COL18A1: variants seen among roughly 807,000 people sequenced by gnomAD.
COL18A1 encodes collagen type XVIII alpha 1 chain, also known as collagen alpha-1(XVIII) chain.
Under a neutral mutation model 168.0 loss-of-function variants are expected in COL18A1, and 133 were observed. The observed-to-expected ratio is 0.79, with a 90% CI of 0.69 to 0.91. COL18A1 has a LOEUF of 0.91. Among genes scored for constraint, COL18A1 ranks in the 40% least tolerant of loss-of-function variants. COL18A1 has a pLI of 0.00. For missense variants in COL18A1, 2,126 were observed against 1,925.4 expected (o/e 1.10, Z -1.95); for synonymous variants, 949 against 809.0 (o/e 1.17, Z -2.94).
chr21:45,496,233 T>C, intron 29 of COL18A1: 1 of 667,474 alleles, frequency 1.5e-6, no homozygotes, highest in Non-Finnish European at 2.8e-6. Flanking sequence ...CAGTCACCTT[T>C]TTACCTGAGA....
chr21:45,469,207 C>A (rs528200892), intron 3 of COL18A1, among the ~76,000 whole-genome samples: 1 of 152,352 alleles, frequency 6.6e-6, no homozygotes, highest in East Asian at 1.9e-4. Flanking sequence ...AAGTGGGGCT[C>A]CCGGCCTCTG....
rs1305138779 is a variant in COL18A1, at chr21:45,443,744, CTT to C, written c.107-24496_107-24495del. On this transcript the variant is annotated intron_variant, in intron 2 of 41. Coordinates refer to ENST00000651438, the MANE Select transcript of COL18A1 (RefSeq NM_001379500.1). This position sits in a 1 kb window ranked among gnomAD's most constrained non-coding sequence, Gnocchi z 5.2. ...AAGTGCCAATTTCCTGGTGAAGAGTCTTTATGAGAGCAATGCGGCCCCGTGCC... is the reference window on the plus strand; with the variant it reads ...AAGTGCCAATTTCCTGGTGAAGAGTCTATGAGAGCAATGCGGCCCCGTGCC... 6.6e-6 allele frequency among the ~76,000 whole-genome samples: 1 copy of C among 152,214 alleles called. No individual in the cohort carries two copies. The highest frequency in any genetic ancestry group is 1.5e-5 in the Non-Finnish European group (1 of 68,042).
At chr21:45,482,563 C>T (rs568223047) in intron 14 of COL18A1, among the ~76,000 whole-genome samples, 2 of 152,334 alleles carry the variant, frequency 1.3e-5, no homozygotes, top group African/African-American at 4.8e-5. Flanking sequence ...CACGTGTAGC[C>T]AGGTCCAGCA....
Position 45,511,209 on chromosome 21 carries a change from C to T in COL18A1, c.3792C>T (p.Val1264=). 1.3e-6 allele frequency: 2 copies of T among 1,581,756 alleles called. No individual in the cohort carries two copies. The highest frequency in any genetic ancestry group is 1.7e-4 in the Middle Eastern group (1 of 6,004). The change falls in exon 41 of 42, where the codon GTC becomes GTT. Residue 1264 remains valine (V), a synonymous_variant. Coordinates refer to ENST00000651438, the MANE Select transcript of COL18A1 (RefSeq NM_001379500.1). ...TCTTCTCCTTTGACGGCAAGGACGTCCTGAGGCACCCCACCTGGTAGGTTC... is the reference window on the plus strand; with the variant it reads ...TCTTCTCCTTTGACGGCAAGGACGTTCTGAGGCACCCCACCTGGTAGGTTC... ...ARIFSFDGKD[V]LRHPTWPQKS... is the part of the protein sequence containing the mutation.
At chr21:45,501,225 T>C (rs564809650) in intron 32 of COL18A1, among the ~76,000 whole-genome samples, 1 of 152,162 alleles carries the variant, frequency 6.6e-6, no homozygotes, top group South Asian at 2.1e-4. Flanking sequence ...TACATTTCTA[T>C]GCATCTAATG....
In COL18A1 at chr21:45,437,210, GCA is replaced by G. The variant is rs368081758; in HGVS notation, c.107-31019_107-31018del. Among the ~76,000 whole-genome samples, 40 of 83,640 alleles carry G rather than the reference GCA, an allele frequency of 4.8e-4. 1 individual carries two copies. Among genetic ancestry groups the G allele is most frequent in the South Asian group, 1.2e-3 (3 of 2,604 alleles). 54.9% of individuals were successfully genotyped at this position (83,640 alleles called of 152,430 possible). On this transcript the variant is annotated intron_variant, in intron 2 of 41. Coordinates refer to ENST00000651438, the MANE Select transcript of COL18A1 (RefSeq NM_001379500.1). ...CACACAGACACACAGGCACTCTCCT[GCA>G]CACACACACACAGACACACAGGCAC...
intron 2 of COL18A1, among the ~76,000 whole-genome samples, chr21:45,462,796 C>T (rs527369949): frequency 1.3e-5 from 2 of 152,318 alleles, no homozygotes; most frequent in East Asian, 1.9e-4. Flanking sequence ...GCTATATTTT[C>T]TTATTGCTTT....
intron 29 of COL18A1, chr21:45,495,690 A>G (rs919139549): frequency 8.4e-6 from 4 of 479,010 alleles, no homozygotes; most frequent in Non-Finnish European, 1.2e-5. Flanking sequence ...CTATGCACAT[A>G]CATGCCCATA....
At chr21:45,408,813 C>T (rs1250501839) in intron 2 of COL18A1, among the ~76,000 whole-genome samples, 2 of 152,146 alleles carry the variant, frequency 1.3e-5, no homozygotes, top group Non-Finnish European at 2.9e-5. Context: ...ATGTTGGAGA[C>T]CCGAGGCCAC....
intron 2 of COL18A1, among the ~76,000 whole-genome samples, chr21:45,440,282 C>G (rs2034333081): frequency 6.6e-6 from 1 of 152,260 alleles, no homozygotes; most frequent in African/African-American, 2.4e-5. Flanking sequence ...CCTCCCTGGG[C>G]TCTCACAGCC....
chr21:45,475,534 C>T lies in COL18A1; in HGVS notation c.797C>T (p.Thr266Met), dbSNP rs760342643. The T allele has an allele frequency of 7.4e-5, 118 of 1,605,192 alleles. No homozygotes were observed. Among genetic ancestry groups the T allele is most frequent in the Admixed American group, 1.7e-4 (10 of 59,114 alleles). Residue 266 changes from threonine to methionine, a missense_variant and splice_region_variant, in exon 5 of 42, where the codon ACG becomes ATG. Transcript: ENST00000651438. ...GCCCGGGAGCTTCTCAGGGAGGAGACGGTGAGTAGCCGGACGGGGCCCAGC... is the reference window on the plus strand; with the variant it reads ...GCCCGGGAGCTTCTCAGGGAGGAGATGGTGAGTAGCCGGACGGGGCCCAGC... ...GDARELLREE[T>M]GAALKPRLPA...
At chr21:45,430,971 C>T (rs1283150243) in intron 2 of COL18A1, among the ~76,000 whole-genome samples, 2 of 152,240 alleles carry the variant, frequency 1.3e-5, no homozygotes, top group Non-Finnish European at 2.9e-5. Flanking sequence ...CGTAGAAAGA[C>T]CTAGAAATAA....
chr21:45,487,396 C>A, intron 16 of COL18A1, 51 bp from the exon 17 acceptor site: 1 of 1,601,374 alleles, frequency 6.2e-7, no homozygotes. Context: ...GGGAGGGGTC[C>A]TTCCCTAAGA....
chr21:45,449,565 G>A (rs146705598), intron 2 of COL18A1, among the ~76,000 whole-genome samples: 56 of 152,272 alleles, frequency 3.7e-4, no homozygotes, highest in African/African-American at 1.3e-3. Context: ...GGAGAGAATG[G>A]GCTTATGGGG....
chr21:45,479,113 C>G (rs2035787748), intron 9 of COL18A1, among the ~76,000 whole-genome samples: 1 of 152,104 alleles, frequency 6.6e-6, no homozygotes, highest in African/African-American at 2.4e-5. Context: ...CGGGGCCCAC[C>G]CACAGGGCAC....
rs375548267 is a variant in COL18A1 at position 45,512,169 on chromosome 21, G to A, written c.3810-19G>A. ...CAGAGCAGGTCTGGGTTTGACTGAC[G>A]GCCCGGCGCGTCTTACAGGCCCCAG... On this transcript the variant is annotated intron_variant, in intron 41 of 41. Transcript: ENST00000651438. 3.0e-4 allele frequency: 483 copies of A among 1,605,228 alleles called. 2 individuals are homozygous for A. The highest frequency in any genetic ancestry group is 1.5e-3 in the South Asian group (136 of 89,742).
intron 2 of COL18A1, among the ~76,000 whole-genome samples, chr21:45,462,434 G>A (rs993370892): frequency 6.6e-6 from 1 of 152,094 alleles, no homozygotes; most frequent in African/African-American, 2.4e-5. Flanking sequence ...AAGCCCCTTA[G>A]GCTCTTTTCA....
chr21:45,445,917 G>T (rs1444234393), intron 2 of COL18A1, among the ~76,000 whole-genome samples: 2 of 152,130 alleles, frequency 1.3e-5, no homozygotes, highest in Non-Finnish European at 2.9e-5. Context: ...TTTCTTGATG[G>T]TGTCCTTTGA....
At chr21:45,491,675 T>C (rs985903793) in intron 22 of COL18A1, among the ~76,000 whole-genome samples, 2 of 152,156 alleles carry the variant, frequency 1.3e-5, no homozygotes, top group African/African-American at 2.4e-5. Flanking sequence ...CCTTGGCCCC[T>C]CTGGTGAAGG....
Sources: gnomAD v4.1 joint callset for allele counts (sites outside exome capture counted in the v4.1 genomes callset) on GRCh38, gnomAD v4.1.1 for gene constraint, Gnocchi (gnomAD v3.1) non-coding constraint, MANE v1.5 for transcripts, NCBI Gene and HGNC (gene_info 2026-07-23, HGNC 2026-07-21) for gene names.